Variants in ZNF140 observed in about 807,000 individuals in gnomAD.
ZNF140 encodes the protein zinc finger protein 140 (clone pHZ-39).
Under a neutral mutation model 12.9 loss-of-function variants are expected in ZNF140, and 13 were observed. The observed-to-expected ratio is 1.01, with a 90% CI of 0.66 to 1.60. The LOEUF (loss-of-function observed/expected upper bound fraction) is 1.60, where lower values mean the gene tolerates loss of function less well. ZNF140 is among the 40% of genes most tolerant of loss of function. The probability of loss-of-function intolerance (pLI) is 0.00; values close to 1 mark genes in which losing one functional copy is unlikely to be tolerated. For missense variants in ZNF140, 531 were observed against 548.8 expected (o/e 0.97, Z 0.32); for synonymous variants, 214 against 186.7 (o/e 1.15, Z -1.19).
At chr12:133,099,702 T>C (rs1039866718) in intron 4 of ZNF140, among the ~76,000 whole-genome samples, 3 of 152,120 alleles carry the variant, frequency 2.0e-5, no homozygotes, top group Non-Finnish European at 4.4e-5. Flanking sequence ...AAATAAAATA[T>C]TTATTTTACT....
In ZNF140 at chr12:133,083,515, A is replaced by G. The variant is rs1954570240; in HGVS notation, c.186A>G (p.Lys62=). 2 of 1,614,006 alleles carry G rather than the reference A, an allele frequency of 1.2e-6. No individual in the cohort carries two copies. Among genetic ancestry groups the G allele is most frequent in the Non-Finnish European group, 1.7e-6 (2 of 1,179,980 alleles). ...PDVVSLLEQG[K]EPWLGKREVK... ...TGGTTTCCTTATTGGAGCAAGGGAA[A>G]GAACCCTGGCTGGGGAAAAGGGAAG... The change falls in exon 4 of 5, where the codon AAA becomes AAG. Residue 62 remains lysine, a synonymous_variant. Transcript: ENST00000355557.
intron 4 of ZNF140, among the ~76,000 whole-genome samples, chr12:133,090,198 G>A (rs1057149544): frequency 1.3e-5 from 2 of 152,062 alleles, no homozygotes; most frequent in Non-Finnish European, 2.9e-5. Context: ...GGAATGCAGT[G>A]CCACAATCGT....
rs932673931 is a variant in ZNF140 at position 133,094,088 on chromosome 12, G to C, written c.232+10527G>C. Among the ~76,000 whole-genome samples the C allele has an allele frequency of 1.5e-4, 22 of 151,298 alleles. 1 individual carries two copies. The highest frequency in any genetic ancestry group is 5.1e-4 in the African/African-American group (21 of 40,926). On this transcript the variant is annotated intron_variant, in intron 4 of 4. Coordinates refer to ENST00000355557, the MANE Select transcript of ZNF140 (RefSeq NM_003440.4). ...GAATTTTATCAGATGATATTGTCAG[G>C]CCTGCGTTTGCAACCTCTGTCTGCA...
chr12:133,089,662 T>C (rs1954790911), intron 4 of ZNF140, among the ~76,000 whole-genome samples: 1 of 152,230 alleles, frequency 6.6e-6, no homozygotes, highest in Non-Finnish European at 1.5e-5. Flanking sequence ...ATTCCTTTAT[T>C]ATCCTTTTTA....
In ZNF140 at chr12:133,083,142, C is replaced by T; in HGVS notation, c.49C>T (p.Gln17Ter). The T allele has an allele frequency of 6.2e-7, 1 of 1,614,154 alleles. No individual in the cohort carries two copies. Among genetic ancestry groups the T allele is most frequent in the Non-Finnish European group, 8.5e-7 (1 of 1,180,030 alleles). ...CAGAGATGTGGCCATAGACTTCTCC[C>T]AGGAGGAGTGGAAATGGCTTCAGCC... ...TFRDVAIDFSQEEWKWLQPAQ... is the reference protein window; with the variant it reads ...TFRDVAIDFS Residue 17 changes from glutamine to a stop codon, truncating the protein, a stop_gained, in exon 3 of 5, where the codon CAG (glutamine) becomes TAG (stop). Coordinates refer to ENST00000355557, the MANE Select transcript of ZNF140 (RefSeq NM_003440.4). LOFTEE classifies it high-confidence loss of function.
upstream of ZNF140, chr12:133,080,626 T>G (rs1954435174): frequency 6.6e-6 from 1 of 152,432 alleles, no homozygotes; most frequent in Non-Finnish European, 1.5e-5. Flanking sequence ...GTTCTTTGTT[T>G]CTCGGCTCTG....
At chr12:133,095,761 T>G (rs530070016) in intron 4 of ZNF140, among the ~76,000 whole-genome samples, 73 of 151,078 alleles carry the variant, frequency 4.8e-4, no homozygotes, top group African/African-American at 1.6e-3. Context: ...CATAATTAGG[T>G]TTAAGGGAAG....
rs1035266288 is a variant in ZNF140, at chr12:133,083,176, G to A, written c.83G>A (p.Arg28Lys). ...EEWKWLQPAQRDLYRCVMLEN... is the reference protein window; with the variant it reads ...EEWKWLQPAQKDLYRCVMLEN... ...TGGAAATGGCTTCAGCCTGCTCAAAGAGATTTGTACAGATGTGTAATGTTG... is the reference window on the plus strand; with the variant it reads ...TGGAAATGGCTTCAGCCTGCTCAAAAAGATTTGTACAGATGTGTAATGTTG... Residue 28 changes from arginine (R) to lysine (K), a missense_variant, in exon 3 of 5, where the codon AGA becomes AAA. By Grantham distance (26) the Arg-to-Lys change is conservative. Transcript: ENST00000355557. 6.2e-7 allele frequency: 1 copy of A among 1,614,202 alleles called. No individual in the cohort carries two copies. Among genetic ancestry groups the A allele is most frequent in the Non-Finnish European group, 8.5e-7 (1 of 1,180,026 alleles).
At chr12:133,095,658 T>TATC (rs1955057139) in intron 4 of ZNF140, among the ~76,000 whole-genome samples, 4 of 151,796 alleles carry the variant, frequency 2.6e-5, no homozygotes, top group Non-Finnish European at 5.9e-5. Flanking sequence ...TTATTATTAT[T>TATC]TTCATTATTT....
intron 2 of ZNF140, chr12:133,082,589 A>G (rs1248833964): frequency 6.5e-6 from 1 of 154,496 alleles, no homozygotes; most frequent in South Asian, 2.0e-4. Context: ...GTTCTGTGAC[A>G]TTGCTAAAAT....
Position 133,087,206 on chromosome 12 carries a change from A to G in ZNF140, c.232+3645A>G, listed in dbSNP as rs752212737. 3.4e-3 allele frequency among the ~76,000 whole-genome samples: 514 copies of G among 152,224 alleles called. 1 individual carries two copies. The highest frequency in any genetic ancestry group is 7.5e-3 in the South Asian group (36 of 4,824). ...GGAAATAAAGTGAAGAAGTAGACTC[A>G]AAAGGACCTGGCGATTGGCTAGATG... On this transcript the variant is annotated intron_variant, in intron 4 of 4. Transcript: ENST00000355557.
At chr12:133,081,213 A>G (rs989847337) in intron 1 of ZNF140, 60 bp from the exon 2 acceptor site, 5 of 822,422 alleles carry the variant, frequency 6.1e-6, no homozygotes, top group South Asian at 1.4e-5. Context: ...GCGGGAATCT[A>G]GTGACTTGGG....
At chr12:133,086,240 A>G (rs1954671499) in intron 4 of ZNF140, among the ~76,000 whole-genome samples, 2 of 152,186 alleles carry the variant, frequency 1.3e-5, no homozygotes, top group Non-Finnish European at 1.5e-5. Flanking sequence ...AAGTTGGAGG[A>G]TAATGCACCT....
At chr12:133,088,648 G>A (rs1239131239) in intron 4 of ZNF140, among the ~76,000 whole-genome samples, 3 of 152,176 alleles carry the variant, frequency 2.0e-5, no homozygotes, top group Non-Finnish European at 4.4e-5. Flanking sequence ...CATATGGTAA[G>A]AATATATTTA....
chr12:133,094,175 A>G (rs1954988957), intron 4 of ZNF140, among the ~76,000 whole-genome samples: 1 of 151,242 alleles, frequency 6.6e-6, no homozygotes, highest in East Asian at 1.9e-4. Flanking sequence ...TATTATCAAC[A>G]TAATGAATAA....
intron 2 of ZNF140, 127 bp from the exon 3 acceptor site, chr12:133,082,976 C>T: frequency 2.1e-6 from 3 of 1,405,616 alleles, no homozygotes; most frequent in Non-Finnish European, 2.9e-6. Context: ...ACTCAGAATT[C>T]TGAAAACTCT....
intron 4 of ZNF140, among the ~76,000 whole-genome samples, chr12:133,088,352 T>G (rs1264169763): frequency 1.3e-5 from 2 of 152,362 alleles, no homozygotes; most frequent in Admixed American, 6.5e-5. Context: ...GTCAGAGAGT[T>G]GGAATTAACC....
At chr12:133,084,245 A>C (rs1273669060) in intron 4 of ZNF140, 5 of 385,558 alleles carry the variant, frequency 1.3e-5, no homozygotes, top group Non-Finnish European at 2.5e-5. Context: ...AAAGAAAAAA[A>C]AAATTAAAAG....
At chr12:133,083,652 ATT>A in intron 4 of ZNF140, 91 bp downstream of exon 4, 1 of 1,290,456 alleles carries the variant, frequency 7.7e-7, no homozygotes, top group Non-Finnish European at 1.1e-6. Flanking sequence ...TGATTGGAAA[ATT>A]TTCCCTTAAA....
Sources: gnomAD v4.1 joint callset for allele counts (sites outside exome capture counted in the v4.1 genomes callset) on GRCh38, gnomAD v4.1.1 for gene constraint, MANE v1.5 for transcripts, NCBI Gene and HGNC (gene_info 2026-07-23, HGNC 2026-07-21) for gene names.